ATG13: variants seen among roughly 807,000 people sequenced by gnomAD.
The protein encoded by ATG13 is autophagy related 13.
ATG13 carries 23 observed loss-of-function variants against 65.5 expected under a neutral mutation model. The observed-to-expected ratio is 0.35, with a 90% CI of 0.25 to 0.50. The LOEUF is 0.50. Among genes scored for constraint, ATG13 ranks in the 20% least tolerant of loss-of-function variants. The pLI is 0.98. For missense variants in ATG13, 566 were observed against 677.0 expected (o/e 0.84, Z 1.82); for synonymous variants, 252 against 245.2 (o/e 1.03, Z -0.26).
intron 1 of ATG13, among the ~76,000 whole-genome samples, chr11:46,619,372 CTTTTT>C (rs746642470): frequency 5.1e-4 from 18 of 35,316 alleles, no homozygotes; most frequent in African/African-American, 2.0e-3. Flanking sequence ...AGATTTCTTG[CTTTTT>C]TTTTTTTTTT....
At chr11:46,648,801 A>T in intron 5 of ATG13, 1 of 151,114 alleles carries the variant, frequency 6.6e-6, no homozygotes, top group East Asian at 2.0e-4. Context: ...AAAAAAAAAG[A>T]GAGAGAGAGA....
At chr11:46,644,023 C>G (rs1437094435) in intron 2 of ATG13, among the ~76,000 whole-genome samples, 1 of 152,112 alleles carries the variant, frequency 6.6e-6, no homozygotes, top group Non-Finnish European at 1.5e-5. Context: ...AATTAAAGCT[C>G]AAAGTTTCAG....
chr11:46,660,996 CCCCACACCCAG>C (rs2061067351), intron 11 of ATG13, among the ~76,000 whole-genome samples: 1 of 151,782 alleles, frequency 6.6e-6, no homozygotes. Context: ...AGGCTTGAGC[CCCCACACCCAG>C]CCCTTCTGTG....
intron 16 of ATG13, 33 bp from the exon 17 acceptor site, chr11:46,668,761 C>A: frequency 6.4e-7 from 1 of 1,559,556 alleles, no homozygotes; most frequent in Non-Finnish European, 8.8e-7. Flanking sequence ...TGGGTCACAG[C>A]ATCAGCCCTA....
chr11:46,672,488 C>T lies in ATG13; in HGVS notation c.*156C>T, dbSNP rs2063986956. On this transcript the variant is annotated 3_prime_UTR_variant, in exon 19 of 19. Coordinates refer to ENST00000683050, the MANE Select transcript of ATG13 (RefSeq NM_001346311.2). The stretch of plus-strand genomic sequence containing the variant: ...GGACCCAGAAGTCCCTACTCTTGGA[C>T]CTCCTGGAGACTCCGTGGCGGCAGT... The T allele has an allele frequency of 1.3e-6, 2 of 1,507,994 alleles. No individual in the cohort carries two copies. The highest frequency in any genetic ancestry group is 2.2e-5 in the Admixed American group (1 of 45,534). 93.4% of individuals were successfully genotyped at this position (1,507,994 alleles called of 1,614,324 possible).
rs547465906 is a variant in ATG13, at chr11:46,618,010, C to T, written c.-70+120C>T. On this transcript the variant is annotated intron_variant, in intron 1 of 18. Transcript: ENST00000683050. ...TAGAAGGGATTAGCCACGGTTCAATCCCCTGGGCCCCTGAGTTTTCTGTGG... is the reference window on the plus strand; with the variant it reads ...TAGAAGGGATTAGCCACGGTTCAATTCCCTGGGCCCCTGAGTTTTCTGTGG... 50 of 397,474 alleles carry T rather than the reference C, an allele frequency of 1.3e-4. No individual in the cohort carries two copies. In the East Asian group the frequency reaches 1.6e-3, roughly 13 times the overall value. The allele number at this position is 397,474 out of a possible 1,614,324, so 24.6% of individuals were successfully genotyped here.
intron 15 of ATG13, 23 bp from the exon 16 acceptor site, chr11:46,668,476 G>A: frequency 6.2e-7 from 1 of 1,610,128 alleles, no homozygotes; most frequent in Non-Finnish European, 8.5e-7. Flanking sequence ...AGGCATGAAT[G>A]CTTTTCTCCT....
chr11:46,663,580 C>T (rs2061631513), intron 11 of ATG13, among the ~76,000 whole-genome samples: 1 of 152,202 alleles, frequency 6.6e-6, no homozygotes, highest in South Asian at 2.1e-4. Context: ...TTGAACATTA[C>T]AAGCCCCGCA....
At chr11:46,627,028 C>T (rs573719935) in intron 1 of ATG13, among the ~76,000 whole-genome samples, 7 of 152,160 alleles carry the variant, frequency 4.6e-5, no homozygotes, top group Non-Finnish European at 8.8e-5. Context: ...TCACTTGAGG[C>T]CAGGAGTTCG....
At chr11:46,643,277 A>G (rs1356607839) in intron 2 of ATG13, among the ~76,000 whole-genome samples, 1 of 152,136 alleles carries the variant, frequency 6.6e-6, no homozygotes, top group Non-Finnish European at 1.5e-5. Flanking sequence ...AATCAACAAC[A>G]GCTTGATTGT....
At chr11:46,646,918 C>A (rs1004407578) in intron 5 of ATG13, among the ~76,000 whole-genome samples, 3 of 151,996 alleles carry the variant, frequency 2.0e-5, no homozygotes, top group Non-Finnish European at 4.4e-5. Context: ...CACCACCATG[C>A]CCAGCTAGTT....
At chr11:46,660,617 C>A (rs1411788791) in intron 11 of ATG13, among the ~76,000 whole-genome samples, 4 of 151,744 alleles carry the variant, frequency 2.6e-5, no homozygotes, top group Non-Finnish European at 5.9e-5. Flanking sequence ...ACCATGTTAG[C>A]CAGGATGGTC....
intron 2 of ATG13, among the ~76,000 whole-genome samples, chr11:46,639,490 TTATATA>T (rs150950900): frequency 6.6e-6 from 1 of 150,510 alleles, no homozygotes; most frequent in South Asian, 2.1e-4. Context: ...AATTCTGTCT[TTATATA>T]TATATATATT....
chr11:46,669,353 T>G (rs900074054), intron 17 of ATG13, 51 bp from the exon 18 acceptor site: 2 of 1,604,688 alleles, frequency 1.2e-6, no homozygotes, highest in Middle Eastern at 1.7e-4. Context: ...TCATAGCTTA[T>G]CTCCTCTGTG....
intron 8 of ATG13, 86 bp from the exon 9 acceptor site, chr11:46,657,009 T>C: frequency 1.8e-6 from 2 of 1,137,186 alleles, no homozygotes; most frequent in Non-Finnish European, 2.7e-6. Context: ...GATTACACAA[T>C]AGGCCAAATA....
Position 46,649,131 on chromosome 11 carries a change from C to T in ATG13, c.271-6C>T. 1.2e-6 allele frequency: 2 copies of T among 1,610,926 alleles called. No individual in the cohort carries two copies. The highest frequency in any genetic ancestry group is 1.7e-6 in the Non-Finnish European group (2 of 1,178,344). On this transcript the variant is annotated splice_region_variant and splice_polypyrimidine_tract_variant and intron_variant, in intron 5 of 18. Transcript: ENST00000683050. ...AACAAATATTTTAAATTTGTCCTTT[C>T]TACAGGGAGATTCCATGGAGCTGGA...
intron 2 of ATG13, among the ~76,000 whole-genome samples, chr11:46,634,092 G>T (rs139070658): frequency 3.5e-3 from 524 of 151,838 alleles, no homozygotes; most frequent in African/African-American, 0.011. Flanking sequence ...AGTTTGCCTG[G>T]GATTTTTTTT....
rs531367730 is a variant in ATG13, at chr11:46,617,922, C to G, written c.-70+32C>G. 14 of 399,176 alleles carry G rather than the reference C, an allele frequency of 3.5e-5. No homozygotes were observed. In the South Asian group the frequency reaches 1.5e-3, roughly 44 times the overall value. The allele number at this position is 399,176 out of a possible 1,614,324, so 24.7% of individuals were successfully genotyped here. On this transcript the variant is annotated intron_variant, in intron 1 of 18. Transcript: ENST00000683050. ...ACTTTTGCGGGGGATACCCCAAGAT[C>G]TCTCAGCGCCCCCGGGTGGGAGGCT...
intron 12 of ATG13, 33 bp from the exon 13 acceptor site, chr11:46,664,816 T>G (rs2061949649): frequency 6.3e-7 from 1 of 1,588,410 alleles, no homozygotes; most frequent in Admixed American, 1.7e-5. Flanking sequence ...TCCTTGCCTT[T>G]CCTTTTCTCC....
Sources: gnomAD v4.1 joint callset for allele counts (sites outside exome capture counted in the v4.1 genomes callset) on GRCh38, gnomAD v4.1.1 for gene constraint, MANE v1.5 for transcripts, NCBI Gene and HGNC (gene_info 2026-07-23, HGNC 2026-07-21) for gene names.